The following FAM171A1 variants were observed in gnomAD, a reference collection of about 807,000 sequenced individuals.
FAM171A1 encodes the protein protein FAM171A1.
FAM171A1 carries 23 observed loss-of-function variants against 74.9 expected under a neutral mutation model. The observed-to-expected ratio is 0.31, with a 90% CI of 0.22 to 0.44. The LOEUF is 0.44. Among genes scored for constraint, FAM171A1 ranks in the 20% least tolerant of loss-of-function variants. FAM171A1 has a pLI of 1.00. For missense variants in FAM171A1, 1,162 were observed against 1,159.2 expected, an observed-to-expected ratio of 1.00 and a Z score of -0.03; for synonymous variants, 527 against 505.7, an observed-to-expected ratio of 1.04 and a Z score of -0.57.
chr10:15,275,456 ATT>A (rs879280891), intron 3 of FAM171A1, among the ~76,000 whole-genome samples: 1 of 142,962 alleles, frequency 7.0e-6, no homozygotes. Context: ...CTGGCTAAAT[ATT>A]TTTTTTTTTT....
intron 3 of FAM171A1, among the ~76,000 whole-genome samples, chr10:15,268,168 A>C (rs1286305691): frequency 6.6e-6 from 1 of 152,206 alleles, no homozygotes; most frequent in Non-Finnish European, 1.5e-5. Flanking sequence ...GCCCAGGGCC[A>C]GGGGATTGTC....
chr10:15,317,187 G>C (rs1282136262), intron 1 of FAM171A1, among the ~76,000 whole-genome samples: 1 of 152,240 alleles, frequency 6.6e-6, no homozygotes, highest in South Asian at 2.1e-4. Flanking sequence ...GTTGGGAGTG[G>C]GATGTGCAGA....
At chr10:15,310,470 A>G (rs1051467628) in intron 1 of FAM171A1, among the ~76,000 whole-genome samples, 3 of 152,112 alleles carry the variant, frequency 2.0e-5, no homozygotes, top group South Asian at 2.1e-4. Flanking sequence ...ACCGTGACCA[A>G]CCTGGCCCCT....
chr10:15,354,570 G>A lies in FAM171A1; in HGVS notation c.97+16386C>T, dbSNP rs899075497. Among the ~76,000 whole-genome samples the A allele has an allele frequency of 3.3e-4, 50 of 152,270 alleles. 1 individual carries two copies. The East Asian group carries it at 7.7e-3, about 24-fold the overall frequency. On this transcript the variant is annotated intron_variant, in intron 1 of 7. Transcript: ENST00000378116. ...GTCTCCCTTCAAGTCTCAGGAAGAC[G>A]CCTGGGGAGCCAGGCCCGGGGAAGC...
At chr10:15,299,960 T>A (rs572718548) in intron 1 of FAM171A1, among the ~76,000 whole-genome samples, 1 of 148,728 alleles carries the variant, frequency 6.7e-6, no homozygotes, top group South Asian at 2.2e-4. Context: ...AGACTCCATC[T>A]CAAACAAACA....
chr10:15,231,289 C>T (rs752395150), intron 5 of FAM171A1, among the ~76,000 whole-genome samples: 4 of 152,018 alleles, frequency 2.6e-5, no homozygotes, highest in African/African-American at 7.2e-5. Flanking sequence ...ACTGCAGCTT[C>T]GACCTCCTGG....
intron 5 of FAM171A1, among the ~76,000 whole-genome samples, chr10:15,225,633 G>A (rs2131721330): frequency 6.6e-6 from 1 of 152,246 alleles, no homozygotes; most frequent in East Asian, 1.9e-4. Context: ...TTTACTGGTG[G>A]TACCGGATGG....
At chr10:15,275,674 T>C (rs561201573) in intron 3 of FAM171A1, among the ~76,000 whole-genome samples, 181 bp downstream of exon 3, 2 of 152,284 alleles carry the variant, frequency 1.3e-5, no homozygotes, top group African/African-American at 2.4e-5. Flanking sequence ...AAATTTCAAA[T>C]GTCTCACTAT....
chr10:15,304,907 T>C (rs571090996), intron 1 of FAM171A1, among the ~76,000 whole-genome samples: 4 of 152,240 alleles, frequency 2.6e-5, no homozygotes, highest in South Asian at 2.1e-4. Flanking sequence ...TGGCTAATTT[T>C]TGTATTTAAC....
chr10:15,330,713 C>CTTTTTTTTTTTT (rs898772126), intron 1 of FAM171A1, among the ~76,000 whole-genome samples: 6 of 76,758 alleles, frequency 7.8e-5, no homozygotes, highest in South Asian at 6.4e-4. Context: ...TCTTCTTCTT[C>CTTTTTTTTTTTT]TTTTTTTTTT....
At chr10:15,345,066 A>G (rs1835803696) in intron 1 of FAM171A1, among the ~76,000 whole-genome samples, 1 of 152,258 alleles carries the variant, frequency 6.6e-6, no homozygotes, top group South Asian at 2.1e-4. Context: ...AGAAATGATG[A>G]TGAAATTTGA....
intron 1 of FAM171A1, among the ~76,000 whole-genome samples, chr10:15,285,990 C>CCAAATAAACTG: frequency 6.6e-6 from 1 of 152,338 alleles, no homozygotes; most frequent in Middle Eastern, 3.4e-3. Context: ...AGCCATGTAG[C>CCAAATAAACTG]CTTGGGCAGT....
chr10:15,292,090 C>T (rs1267575392), intron 1 of FAM171A1, among the ~76,000 whole-genome samples: 2 of 152,142 alleles, frequency 1.3e-5, no homozygotes, highest in Non-Finnish European at 2.9e-5. Context: ...CTGGTGAGGG[C>T]TCACCTTTTC....
intron 3 of FAM171A1, among the ~76,000 whole-genome samples, chr10:15,273,775 G>C (rs961972869): frequency 2.8e-4 from 42 of 152,228 alleles, no homozygotes; most frequent in African/African-American, 9.4e-4. Flanking sequence ...CAGAACCAAA[G>C]ACAAAAACCA....
rs763184822 is a variant in FAM171A1 at position 15,254,840 on chromosome 10, G to A, written c.458C>T (p.Ala153Val). ...GCTGGTGTTCTCAGGCAACCTCAGA[G>A]CCCTTCTCTGGAAATGAACGCGAGG... ...PQPRVHFQRRALRLPENTSYS... is the reference protein window; with the variant it reads ...PQPRVHFQRRVLRLPENTSYS... The change falls in exon 4 of 8, where the codon GCT (alanine) becomes GTT (valine). Residue 153 changes from alanine (A) to valine (V), a missense_variant. Ala to Val is a moderately conservative substitution (Grantham distance 64). Coordinates refer to ENST00000378116, the MANE Select transcript of FAM171A1 (RefSeq NM_001010924.2). 1.2e-6 allele frequency: 2 copies of A among 1,614,156 alleles called. No individual in the cohort carries two copies. Among genetic ancestry groups the A allele is most frequent in the Non-Finnish European group, 8.5e-7 (1 of 1,179,974 alleles).
At position 15,212,638 on chromosome 10, in the gene FAM171A1, T is replaced by C. The variant is rs1195126007; in HGVS notation, c.*277A>G. On this transcript the variant is annotated 3_prime_UTR_variant, in exon 8 of 8. Transcript: ENST00000378116. Reference sequence around the variant, plus strand: ...CGACATCACGTGCGGTTTCTTAATGTCCCTGGTGGCGGATACGCCGAGTCC... The same window carrying C: ...CGACATCACGTGCGGTTTCTTAATGCCCCTGGTGGCGGATACGCCGAGTCC... The C allele has an allele frequency of 8.2e-6, 4 of 484,994 alleles. No homozygotes were observed. The highest frequency in any genetic ancestry group is 1.5e-5 in the Non-Finnish European group (4 of 273,326). 30.0% of individuals were successfully genotyped at this position (484,994 alleles called of 1,614,324 possible).
chr10:15,353,722 G>A (rs1835903158), intron 1 of FAM171A1, among the ~76,000 whole-genome samples: 1 of 152,210 alleles, frequency 6.6e-6, no homozygotes. Flanking sequence ...GTAGACAGCA[G>A]GGGAAGAGTA....
Position 15,269,036 on chromosome 10 carries a change from TCAAACAAACAAA to T in FAM171A1, c.418+6807_418+6818del, listed in dbSNP as rs34821162. On this transcript the variant is annotated intron_variant, in intron 3 of 7. Coordinates refer to ENST00000378116, the MANE Select transcript of FAM171A1 (RefSeq NM_001010924.2). ...CAGCCTGGGCAACAGAGACTCTGTC[TCAAACAAACAAA>T]CAAACAAACAAACAAACAAACAAAG... Among the ~76,000 whole-genome samples the T allele has an allele frequency of 5.5e-4, 83 of 150,694 alleles. 1 individual carries two copies. Among genetic ancestry groups the T allele is most frequent in the Non-Finnish European group, 4.7e-4 (32 of 67,568 alleles).
At position 15,212,932 on chromosome 10, in the gene FAM171A1, C is replaced by A; in HGVS notation, c.2656G>T (p.Ala886Ser). 1 of 1,614,066 alleles carries A rather than the reference C, an allele frequency of 6.2e-7. No individual in the cohort carries two copies. Among genetic ancestry groups the A allele is most frequent in the South Asian group, 1.1e-5 (1 of 91,062 alleles). The change falls in exon 8 of 8, where the codon GCG becomes TCG. Residue 886 changes from alanine (A) to serine (S), a missense_variant. Transcript: ENST00000378116. ...WQKREERPLM[A>S]FNIK ...GCGATAGCTCATTTAATGTTAAACG[C>A]CATCAGGGGCCTCTCCTCCCGTTTC...
Sources: gnomAD v4.1 joint callset for allele counts (sites outside exome capture counted in the v4.1 genomes callset) on GRCh38, gnomAD v4.1.1 for gene constraint, MANE v1.5 for transcripts, NCBI Gene and HGNC (gene_info 2026-07-23, HGNC 2026-07-21) for gene names.